The following SAMD5 variants were observed in gnomAD, a reference collection of about 807,000 sequenced individuals.
SAMD5 encodes the protein sterile alpha motif domain-containing protein 5.
Under a neutral mutation model 11.3 loss-of-function variants are expected in SAMD5, and 13 were observed. The observed-to-expected ratio is 1.15, with a 90% CI of 0.75 to 1.83. The LOEUF (loss-of-function observed/expected upper bound fraction) is 1.83. Among genes scored for constraint, SAMD5 ranks in the 40% most tolerant of loss-of-function variants. The pLI is 0.00. For missense variants in SAMD5, 255 were observed against 239.1 expected (o/e 1.07, Z -0.44); for synonymous variants, 129 against 111.3 (o/e 1.16, Z -1.00).
At chr6:147,758,113 A>C in the SAMD5 span, among the ~76,000 whole-genome samples, 1 of 152,226 alleles carries the variant, frequency 6.6e-6, no homozygotes, top group Non-Finnish European at 1.5e-5. Context: ...GCCATAATTT[A>C]TAGTCACTAA....
rs570252111 is a variant in SAMD5, at chr6:147,727,761, C to CG, written c.163-9553dup. On this transcript the variant is annotated intron_variant, in intron 1 of 1. Coordinates refer to the SAMD5 transcript ENST00000566741. ...CTCTGTTGGTTACTTCAGCTAATGGCGGGAGTCATGTATGTTGGGTGCCTA... is the reference window on the plus strand; with the variant it reads ...CTCTGTTGGTTACTTCAGCTAATGGCGGGGAGTCATGTATGTTGGGTGCCTA... Among the ~76,000 whole-genome samples the CG allele has an allele frequency of 1.7e-3, 260 of 151,780 alleles. 1 individual carries two copies. Among genetic ancestry groups the CG allele is most frequent in the African/African-American group, 6.0e-3 (248 of 41,372 alleles).
chr6:147,678,429 G>A (rs1790895139), intron 1 of SAMD5, among the ~76,000 whole-genome samples: 1 of 152,106 alleles, frequency 6.6e-6, no homozygotes, highest in African/African-American at 2.4e-5. Flanking sequence ...ACCAACAAAG[G>A]GGTTGCATTT....
At chr6:147,801,686 G>A in the SAMD5 span, among the ~76,000 whole-genome samples, 1 of 152,254 alleles carries the variant, frequency 6.6e-6, no homozygotes, top group East Asian at 1.9e-4. Context: ...GCTTCTACCT[G>A]GACTTCCCAA....
chr6:147,617,085 C>G (rs1484110802), intron 1 of SAMD5, among the ~76,000 whole-genome samples: 1 of 152,142 alleles, frequency 6.6e-6, no homozygotes, highest in African/African-American at 2.4e-5. Flanking sequence ...TGAGGCTCTT[C>G]TCTTCTTGTG....
chr6:147,787,303 G>A, the SAMD5 span, among the ~76,000 whole-genome samples: 2 of 152,238 alleles, frequency 1.3e-5, no homozygotes, highest in Admixed American at 6.5e-5. Flanking sequence ...CCTCTAGATA[G>A]CACAGATGCA....
chr6:147,567,075 A>G lies in SAMD5; in HGVS notation c.*2619A>G, dbSNP rs1054673798. On this transcript the variant is annotated 3_prime_UTR_variant, in exon 2 of 2. Transcript: ENST00000367474. ...GATTAATTACAGACTTTCACTTGAT[A>G]ATATTGAGGAGTCTGGAGGGTCATA... 20 of 971,460 alleles carry G rather than the reference A, an allele frequency of 2.1e-5. No homozygotes were observed. The Admixed American group carries it at 2.5e-4, about 12-fold the overall frequency. The allele number at this position is 971,460 out of a possible 1,614,324, so 60.2% of individuals were successfully genotyped here.
At chr6:147,896,932 G>A in the SAMD5 span, among the ~76,000 whole-genome samples, 2 of 152,054 alleles carry the variant, frequency 1.3e-5, no homozygotes, top group Non-Finnish European at 2.9e-5. Flanking sequence ...ACCATGTATT[G>A]CATGATTCCA....
the SAMD5 span, among the ~76,000 whole-genome samples, chr6:147,881,839 A>T: frequency 1.3e-5 from 2 of 152,200 alleles, no homozygotes; most frequent in African/African-American, 4.8e-5. Context: ...CTATGAATTT[A>T]ACATGATGCC....
At chr6:147,556,087 T>C (rs1788850378) in intron 1 of SAMD5, among the ~76,000 whole-genome samples, 1 of 152,050 alleles carries the variant, frequency 6.6e-6, no homozygotes, top group Non-Finnish European at 1.5e-5. Context: ...CATTTACTAG[T>C]GTTATTATTA....
the SAMD5 span, among the ~76,000 whole-genome samples, chr6:147,863,663 A>T: frequency 6.6e-6 from 1 of 151,320 alleles, no homozygotes; most frequent in African/African-American, 2.4e-5. Context: ...CATCCATGTC[A>T]TCGTTTCAGA....
At position 147,615,614 on chromosome 6, in the gene SAMD5, G is replaced by A. The variant is rs185893739; in HGVS notation, c.162+106227G>A. ...AATGAAAATTATTTCATTCATGGTT[G>A]CGAACTCATTTATAAAAGCCCTCCA... is the stretch of plus-strand genomic sequence containing the variant. On this transcript the variant is annotated intron_variant, in intron 1 of 1. Transcript: ENST00000566741. Among the ~76,000 whole-genome samples, 345 of 152,246 alleles carry A rather than the reference G, an allele frequency of 2.3e-3. 1 individual carries two copies. The highest frequency in any genetic ancestry group is 7.7e-3 in the African/African-American group (319 of 41,554).
At chr6:147,909,557 C>CTTTT in the SAMD5 span, among the ~76,000 whole-genome samples, 1 of 130,198 alleles carries the variant, frequency 7.7e-6, no homozygotes, top group Non-Finnish European at 1.6e-5. Flanking sequence ...GACCATCCAT[C>CTTTT]TTTTTTCTTT....
At chr6:147,646,830 G>T (rs2128452948) in intron 1 of SAMD5, among the ~76,000 whole-genome samples, 1 of 151,954 alleles carries the variant, frequency 6.6e-6, no homozygotes, top group Non-Finnish European at 1.5e-5. Flanking sequence ...CCAGATAAAA[G>T]AAAATGTTAT....
At chr6:147,573,991 G>A (rs1210306097), downstream of SAMD5, among the ~76,000 whole-genome samples, 1 of 152,072 alleles carries the variant, frequency 6.6e-6, no homozygotes, top group Admixed American at 6.6e-5. Flanking sequence ...AGCCGGGCGT[G>A]GTGGCAGGCA....
At chr6:147,809,166 C>CT in the SAMD5 span, among the ~76,000 whole-genome samples, 1,860 of 151,404 alleles carry the variant, frequency 0.012, 48 homozygotes, top group African/African-American at 0.042. Flanking sequence ...AGGCTCTTTT[C>CT]TTTTTTTTTC....
At chr6:147,936,393 G>T in the SAMD5 span, among the ~76,000 whole-genome samples, 1 of 151,908 alleles carries the variant, frequency 6.6e-6, no homozygotes, top group Non-Finnish European at 1.5e-5. Context: ...ATGGCAGAAG[G>T]TGAAGGGGGA....
the SAMD5 span, among the ~76,000 whole-genome samples, chr6:147,949,952 T>C: frequency 6.6e-6 from 1 of 152,228 alleles, no homozygotes; most frequent in African/African-American, 2.4e-5. Flanking sequence ...TAGTGACTTG[T>C]GTTAGTACTT....
the SAMD5 span, among the ~76,000 whole-genome samples, chr6:147,820,041 A>G: frequency 1.3e-5 from 2 of 152,274 alleles, no homozygotes; most frequent in East Asian, 1.9e-4. Context: ...TCCAAAGTCT[A>G]TGGGAGGTCG....
chr6:147,761,311 C>T, the SAMD5 span, among the ~76,000 whole-genome samples: 1 of 152,042 alleles, frequency 6.6e-6, no homozygotes, highest in Non-Finnish European at 1.5e-5. Context: ...CGTGAACTTG[C>T]TTATTGGAAA....
Sources: allele counts gnomAD v4.1 joint callset (sites outside exome capture counted in the v4.1 genomes callset), GRCh38; gene constraint gnomAD v4.1.1; transcripts MANE v1.5; gene names NCBI Gene and HGNC (gene_info 2026-07-23, HGNC 2026-07-21).